GLIS1: variants seen among roughly 807,000 people sequenced by gnomAD.
GLIS1 encodes GLIS family zinc finger 1.
GLIS1 carries 24 observed loss-of-function variants against 63.8 expected under a neutral mutation model. That is an observed-to-expected ratio of 0.38 (90% CI 0.27 to 0.53). The LOEUF is 0.53. GLIS1 is among the 20% of genes least tolerant of loss of function. The pLI, the probability that GLIS1 is intolerant of heterozygous loss-of-function variation, is 0.85. For synonymous variants in GLIS1, 450 were observed against 482.5 expected (o/e 0.93, Z 0.88); for missense variants, 1,036 against 1,074.1 (o/e 0.96, Z 0.50).
chr1:53,714,359 G>A (rs183837275), intron 2 of GLIS1, among the ~76,000 whole-genome samples: 10 of 152,356 alleles, frequency 6.6e-5, no homozygotes, highest in Admixed American at 3.9e-4. Flanking sequence ...TTCAACTGCA[G>A]AATGGGTTAT....
chr1:53,520,714 A>T lies in GLIS1; in HGVS notation c.1646T>A (p.Leu549Gln). 1 of 1,606,666 alleles carries T rather than the reference A, an allele frequency of 6.2e-7. No homozygotes were observed. The highest frequency in any genetic ancestry group is 8.5e-7 in the Non-Finnish European group (1 of 1,177,328). Residue 549 changes from leucine to glutamine, a missense_variant, in exon 7 of 11, where the codon CTG becomes CAG. Physicochemically the swap from Leu to Gln is moderately radical, Grantham distance 113. Coordinates refer to ENST00000628545, the MANE Select transcript of GLIS1 (RefSeq NM_001367484.1). ...CTGTGTGGACGTGTGGAGCTGCTGC[A>T]GGACCAGACACTCGGTCAGGACGTC... ...EADVLTECLV[L>Q]QQLHTSTQLA...
At chr1:53,599,933 A>C (rs1645298605) in intron 3 of GLIS1, among the ~76,000 whole-genome samples, 168 bp downstream of exon 3, 1 of 152,240 alleles carries the variant, frequency 6.6e-6, no homozygotes, top group African/African-American at 2.4e-5. Flanking sequence ...CTCAGAAGGC[A>C]AAGCAGAAGG....
chr1:53,734,078 A>C, intron 2 of GLIS1: 8 of 984,050 alleles, frequency 8.1e-6, no homozygotes, highest in Non-Finnish European at 9.6e-6. Flanking sequence ...TTTTTTTTCA[A>C]GTTACAAGAC....
At chr1:53,580,105 T>A (rs576554747) in intron 4 of GLIS1, among the ~76,000 whole-genome samples, 8 of 152,148 alleles carry the variant, frequency 5.3e-5, no homozygotes, top group African/African-American at 1.7e-4. Context: ...AGCCTAGGCC[T>A]CTTGAGGGGT....
rs181548291 is a variant in GLIS1, at chr1:53,701,853, C to T, written c.259+35953G>A. Among the ~76,000 whole-genome samples, 621 of 151,860 alleles carry T rather than the reference C, an allele frequency of 4.1e-3. 6 individuals are homozygous for T. Among genetic ancestry groups the T allele is most frequent in the Admixed American group, 0.025 (389 of 15,262 alleles). On this transcript the variant is annotated intron_variant, in intron 2 of 10. Coordinates refer to ENST00000628545, the MANE Select transcript of GLIS1 (RefSeq NM_001367484.1). ...ACTAAAAATACAAAAATTAGCCGGG[C>T]GTGGTGGTGGGCGCCTGTGGTCCCA...
chr1:53,734,806 T>C (rs1646897477), intron 2 of GLIS1, among the ~76,000 whole-genome samples: 1 of 152,260 alleles, frequency 6.6e-6, no homozygotes, highest in African/African-American at 2.4e-5. Context: ...GTTTACCTTC[T>C]TTCCTTGTCA....
At chr1:53,528,182 C>A (rs959074493) in intron 5 of GLIS1, among the ~76,000 whole-genome samples, 3 of 152,186 alleles carry the variant, frequency 2.0e-5, no homozygotes, top group Non-Finnish European at 4.4e-5. Flanking sequence ...GCAGGGAGAT[C>A]TGCTAGCACC....
At chr1:53,617,623 C>T (rs1173274442) in intron 2 of GLIS1, among the ~76,000 whole-genome samples, 3 of 152,258 alleles carry the variant, frequency 2.0e-5, no homozygotes, top group Non-Finnish European at 4.4e-5. Flanking sequence ...CATCTTCCAG[C>T]ACAGTCATGC....
At position 53,673,016 on chromosome 1, in the gene GLIS1, G is replaced by A. The variant is rs181037080; in HGVS notation, c.259+64790C>T. Among the ~76,000 whole-genome samples the A allele has an allele frequency of 1.0e-3, 157 of 152,284 alleles. 2 individuals are homozygous for A. The Middle Eastern group carries it at 0.02, about 20-fold the overall frequency. ...GCCCAGCCAGGTCGCTCCAGTGTCG[G>A]GTACATTACTCCCTGAGCTGGCAAG... is the stretch of plus-strand genomic sequence containing the variant. On this transcript the variant is annotated intron_variant, in intron 2 of 10. Transcript: ENST00000628545.
intron 2 of GLIS1, among the ~76,000 whole-genome samples, chr1:53,690,797 G>A (rs1646395774): frequency 6.6e-6 from 1 of 152,254 alleles, no homozygotes; most frequent in South Asian, 2.1e-4. Flanking sequence ...ATGTCGATGT[G>A]AGAACTGTCC....
At chr1:53,718,033 C>G (rs1646717817) in intron 2 of GLIS1, among the ~76,000 whole-genome samples, 1 of 152,214 alleles carries the variant, frequency 6.6e-6, no homozygotes, top group Non-Finnish European at 1.5e-5. Flanking sequence ...ACAGCCCCCA[C>G]TATAGCAGCA....
At position 53,576,006 on chromosome 1, in the gene GLIS1, C is replaced by T. The variant is rs529274294; in HGVS notation, c.1320+18102G>A. ...CACTCCACACCGTGCTTGCTGCACC[C>T]CAGGGCTTAGCAAAACACCCTCAGA... On this transcript the variant is annotated intron_variant, in intron 4 of 10. Coordinates refer to ENST00000628545, the MANE Select transcript of GLIS1 (RefSeq NM_001367484.1). Among the ~76,000 whole-genome samples, 23 of 152,220 alleles carry T rather than the reference C, an allele frequency of 1.5e-4. No individual in the cohort carries two copies. In the South Asian group the frequency reaches 2.1e-3, roughly 14 times the overall value.
intron 2 of GLIS1, among the ~76,000 whole-genome samples, chr1:53,674,385 G>C (rs1317202190): frequency 6.6e-6 from 1 of 152,132 alleles, no homozygotes; most frequent in Non-Finnish European, 1.5e-5. Context: ...CAGGAATCTG[G>C]ATATTAACAA....
intron 2 of GLIS1, among the ~76,000 whole-genome samples, chr1:53,685,354 A>C (rs1646323870): frequency 6.6e-6 from 1 of 152,150 alleles, no homozygotes; most frequent in Admixed American, 6.5e-5. Flanking sequence ...GCGTCCCCAG[A>C]GCGCCGTGGT....
At chr1:53,521,828 A>T (rs1352209206) in intron 6 of GLIS1, among the ~76,000 whole-genome samples, 1 of 152,226 alleles carries the variant, frequency 6.6e-6, no homozygotes, top group Non-Finnish European at 1.5e-5. Context: ...GGCCTTCAGG[A>T]CACTGGATGA....
intron 4 of GLIS1, among the ~76,000 whole-genome samples, chr1:53,551,273 G>A (rs1426632207): frequency 6.6e-6 from 1 of 152,200 alleles, no homozygotes; most frequent in Non-Finnish European, 1.5e-5. Context: ...TTTCTGGTTT[G>A]CCAAATTTCT....
At chr1:53,638,337 C>T (rs766624882) in intron 2 of GLIS1, among the ~76,000 whole-genome samples, 13 of 152,208 alleles carry the variant, frequency 8.5e-5, no homozygotes, top group Non-Finnish European at 1.3e-4. Context: ...AGCAACCACA[C>T]GGGTGTTGCC....
chr1:53,604,319 C>T (rs776802983), intron 2 of GLIS1, among the ~76,000 whole-genome samples: 12 of 152,194 alleles, frequency 7.9e-5, no homozygotes, highest in South Asian at 2.1e-4. Flanking sequence ...GTAGCCTAAA[C>T]GAGGTCACAG....
At position 53,526,526 on chromosome 1, in the gene GLIS1, TACAC is replaced by T. The variant is rs112780974; in HGVS notation, c.1483-1643_1483-1640del. Among the ~76,000 whole-genome samples, 4,376 of 145,002 alleles carry T rather than the reference TACAC, an allele frequency of 0.03. 91 individuals are homozygous for T. The highest frequency in any genetic ancestry group is 0.05 in the Non-Finnish European group (3,272 of 65,236). The stretch of plus-strand genomic sequence containing the variant: ...GGTAGGCTCCCTCTCTCACACACCA[TACAC>T]ACACACACACACACACACACACAAA... On this transcript the variant is annotated intron_variant, in intron 5 of 10. Transcript: ENST00000628545. The surrounding 1 kb of genome is among the most constrained non-coding windows in gnomAD (Gnocchi z 4.4).
Sources: gnomAD v4.1 joint callset for allele counts (sites outside exome capture counted in the v4.1 genomes callset) on GRCh38, gnomAD v4.1.1 for gene constraint, Gnocchi (gnomAD v3.1) non-coding constraint, MANE v1.5 for transcripts, NCBI Gene and HGNC (gene_info 2026-07-23, HGNC 2026-07-21) for gene names.